Variants in PIBF1 observed in about 807,000 individuals in gnomAD.
The protein encoded by PIBF1 is progesterone-induced-blocking factor 1.
In PIBF1, 90 loss-of-function variants were observed where a neutral mutation model predicts 112.5. That is an observed-to-expected ratio of 0.80 (90% CI 0.67 to 0.95). The LOEUF (loss-of-function observed/expected upper bound fraction) is 0.95, where lower values mean the gene tolerates loss of function less well. Ranked by LOEUF, PIBF1 falls within the 40% of genes least tolerant of loss-of-function variation. PIBF1 has a pLI of 0.00. For missense variants in PIBF1, 915 were observed against 852.3 expected, an observed-to-expected ratio of 1.07 and a Z score of -0.92; for synonymous variants, 301 against 288.6, an observed-to-expected ratio of 1.04 and a Z score of -0.44.
chr13:72,851,984 C>T (rs2138308913), intron 9 of PIBF1, among the ~76,000 whole-genome samples: 1 of 152,260 alleles, frequency 6.6e-6, no homozygotes, highest in South Asian at 2.1e-4. Context: ...TAGGAGCTAC[C>T]CATTCCAGAT....
In PIBF1 at chr13:73,012,782, T is replaced by C. The variant is rs182007819; in HGVS notation, c.2224-3087T>C. On this transcript the variant is annotated intron_variant, in intron 17 of 17. Coordinates refer to ENST00000326291, the MANE Select transcript of PIBF1 (RefSeq NM_006346.4). ...CCAATAATAATAATAATAATAATAA[T>C]AAGGGTATTGTAACAGAAACCTCTA... Among the ~76,000 whole-genome samples the C allele has an allele frequency of 2.0e-5, 3 of 150,476 alleles. No individual in the cohort carries two copies. The East Asian group carries it at 5.9e-4, about 29-fold the overall frequency.
chr13:72,828,752 T>C (rs2036953638), intron 8 of PIBF1, among the ~76,000 whole-genome samples: 1 of 152,202 alleles, frequency 6.6e-6, no homozygotes. Flanking sequence ...TACGTGTGCA[T>C]GTGTCTTTTA....
chr13:72,893,830 C>T lies in PIBF1; in HGVS notation c.1369C>T (p.Leu457Phe). The T allele has an allele frequency of 6.2e-7, 1 of 1,604,058 alleles. No individual in the cohort carries two copies. The highest frequency in any genetic ancestry group is 8.5e-7 in the Non-Finnish European group (1 of 1,174,940). The stretch of plus-strand genomic sequence containing the variant: ...TACAGAAAGCAAAGTAACAGAATTT[C>T]TCCATCAAAGTAAATTAAAATCTTT... ...LSTESKVTEF[L>F]HQSKLKSFES... Residue 457 changes from leucine to phenylalanine, a missense_variant, in exon 11 of 18, where the codon CTC (leucine) becomes TTC (phenylalanine). Transcript: ENST00000326291.
At chr13:72,839,890 C>T (rs775761548) in intron 9 of PIBF1, among the ~76,000 whole-genome samples, 1 of 152,124 alleles carries the variant, frequency 6.6e-6, no homozygotes, top group Non-Finnish European at 1.5e-5. Context: ...CTCCAGTGTT[C>T]TTCTGACCCC....
Position 72,969,176 on chromosome 13 carries a change from G to T in PIBF1, c.1964+3772G>T, listed in dbSNP as rs527681110. Among the ~76,000 whole-genome samples, 3 of 152,212 alleles carry T rather than the reference G, an allele frequency of 2.0e-5. No homozygotes were observed. The South Asian group carries it at 6.2e-4, about 32-fold the overall frequency. On this transcript the variant is annotated intron_variant, in intron 15 of 17. Coordinates refer to ENST00000326291, the MANE Select transcript of PIBF1 (RefSeq NM_006346.4). Reference sequence around the variant, plus strand: ...TTATATTCAACAGTGTTCAATAAATGTTTGCCATTCTTAGTACTTACCATA... The same window carrying T: ...TTATATTCAACAGTGTTCAATAAATTTTTGCCATTCTTAGTACTTACCATA...
In PIBF1 at chr13:72,956,244, T is replaced by C. The variant is rs73524252; in HGVS notation, c.1834-9030T>C. Among the ~76,000 whole-genome samples, 291 of 152,242 alleles carry C rather than the reference T, an allele frequency of 1.9e-3. 3 individuals carry two copies. Among genetic ancestry groups the C allele is most frequent in the African/African-American group, 6.7e-3 (280 of 41,552 alleles). ...TCCCATTATCTCCATTGCAGATCACTTCTAATCCCAAAGCTATCAATTCTA... is the reference window on the plus strand; with the variant it reads ...TCCCATTATCTCCATTGCAGATCACCTCTAATCCCAAAGCTATCAATTCTA... On this transcript the variant is annotated intron_variant, in intron 14 of 17. Transcript: ENST00000326291.
chr13:72,821,758 A>G, intron 5 of PIBF1, 91 bp from the exon 6 acceptor site: 4 of 889,564 alleles, frequency 4.5e-6, no homozygotes, highest in East Asian at 5.9e-5. Flanking sequence ...TACAAGGACA[A>G]TCACAGCTTA....
chr13:72,940,483 A>C (rs11839138), intron 14 of PIBF1, among the ~76,000 whole-genome samples: 33,012 of 151,974 alleles, frequency 0.22, 3,671 homozygotes, highest in Middle Eastern at 0.27. Flanking sequence ...TTGTCATTTC[A>C]TGGCTGCCTT....
In PIBF1 at chr13:72,998,916, CAGAAA is replaced by C. The variant is rs2043769037; in HGVS notation, c.2146_2150del (p.Glu716SerfsTer10). The C allele has an allele frequency of 6.2e-7, 1 of 1,611,628 alleles. No homozygotes were observed. Among genetic ancestry groups the C allele is most frequent in the Non-Finnish European group, 8.5e-7 (1 of 1,178,224 alleles). On this transcript the variant is annotated frameshift_variant, in exon 17 of 18. Coordinates refer to ENST00000326291, the MANE Select transcript of PIBF1 (RefSeq NM_006346.4). LOFTEE classifies it high-confidence loss of function. ...ACTAAAACAGAACCAAAACATGTGA[CAGAAA>C]ATCAGAAATCAAAGACTTTGAATGT...
chr13:72,792,533 A>G lies in PIBF1; in HGVS notation c.339A>G (p.Gln113=), dbSNP rs370637186. ...TLRLDNQLAF[Q]QKDASKYQEL... is the part of the protein sequence containing the mutation. ...GATTAGACAACCAATTGGCTTTTCA[A>G]CAGAAAGATGCCAGGTAAGAAAAGT... The change falls in exon 3 of 18, where the codon CAA becomes CAG. Residue 113 remains glutamine, a synonymous_variant. Transcript: ENST00000326291. The G allele has an allele frequency of 8.5e-6, 13 of 1,533,618 alleles. No individual in the cohort carries two copies. The highest frequency in any genetic ancestry group is 2.8e-5 in the African/African-American group (2 of 70,924).
chr13:72,795,540 A>G lies in PIBF1; in HGVS notation c.535A>G (p.Ile179Val), dbSNP rs1566279169. Residue 179 changes from isoleucine (I) to valine (V), a missense_variant, in exon 4 of 18, where the codon ATT (isoleucine) becomes GTT (valine). Ile to Val is a conservative substitution (Grantham distance 29, BLOSUM62 3). Transcript: ENST00000326291. ...LKAFPEDQLSIPEYVSVRFYE... is the reference protein window; with the variant it reads ...LKAFPEDQLSVPEYVSVRFYE... ...AGCTTTTCCTGAAGATCAGCTTTCT[A>G]TTCCTGAATATGTATCTGTAAGTAT... is the stretch of plus-strand genomic sequence containing the variant. 2 of 1,549,554 alleles carry G rather than the reference A, an allele frequency of 1.3e-6. No individual in the cohort carries two copies. Among genetic ancestry groups the G allele is most frequent in the Non-Finnish European group, 1.8e-6 (2 of 1,131,518 alleles).
At chr13:72,937,072 A>G (rs1379778038) in intron 14 of PIBF1, among the ~76,000 whole-genome samples, 3 of 152,142 alleles carry the variant, frequency 2.0e-5, no homozygotes, top group African/African-American at 4.8e-5. Flanking sequence ...AGCAAAGTGT[A>G]TGTTTTTCCA....
intron 10 of PIBF1, among the ~76,000 whole-genome samples, chr13:72,857,808 C>G (rs905617160): frequency 1.3e-5 from 2 of 152,112 alleles, no homozygotes; most frequent in African/African-American, 2.4e-5. Flanking sequence ...CCATTGCACT[C>G]CAGCCTGGGC....
chr13:72,997,230 A>G (rs938447600), intron 16 of PIBF1, among the ~76,000 whole-genome samples: 3 of 152,198 alleles, frequency 2.0e-5, no homozygotes, highest in South Asian at 2.1e-4. Context: ...TTTTCTTTTC[A>G]TAGGCTTTCC....
chr13:72,893,855 T>C lies in PIBF1; in HGVS notation c.1394T>C (p.Phe465Ser). 5 of 1,606,540 alleles carry C rather than the reference T, an allele frequency of 3.1e-6. No homozygotes were observed. Among genetic ancestry groups the C allele is most frequent in the Non-Finnish European group, 4.3e-6 (5 of 1,175,896 alleles). The change falls in exon 11 of 18, where the codon TTT becomes TCT. Residue 465 changes from phenylalanine to serine, a missense_variant. Coordinates refer to ENST00000326291, the MANE Select transcript of PIBF1 (RefSeq NM_006346.4). ...EFLHQSKLKS[F>S]ESERVQLLQE... ...CTCCATCAAAGTAAATTAAAATCTT[T>C]TGAAAGTGAGCGTGTTCAACTTCTG...
intron 14 of PIBF1, among the ~76,000 whole-genome samples, chr13:72,960,966 A>T (rs1414195880): frequency 6.6e-6 from 1 of 151,926 alleles, no homozygotes; most frequent in Non-Finnish European, 1.5e-5. Context: ...TTATGGCTCC[A>T]CTTTCACTAT....
At chr13:72,937,171 G>A (rs2041892905) in intron 14 of PIBF1, among the ~76,000 whole-genome samples, 1 of 151,704 alleles carries the variant, frequency 6.6e-6, no homozygotes, top group Admixed American at 6.6e-5. Context: ...TTATTGATAT[G>A]GTTATGTTCA....
chr13:72,926,905 A>T (rs1008933949), intron 13 of PIBF1, among the ~76,000 whole-genome samples: 1 of 152,220 alleles, frequency 6.6e-6, no homozygotes, highest in African/African-American at 2.4e-5. Context: ...GATATTATGT[A>T]TTCTCAGTGC....
chr13:72,962,435 A>G (rs2042630695), intron 14 of PIBF1, among the ~76,000 whole-genome samples: 1 of 152,026 alleles, frequency 6.6e-6, no homozygotes, highest in Admixed American at 6.6e-5. Context: ...TGTCTCTATA[A>G]AAAATAAAAT....
Sources: gnomAD v4.1 joint callset for allele counts (sites outside exome capture counted in the v4.1 genomes callset) on GRCh38, gnomAD v4.1.1 for gene constraint, MANE v1.5 for transcripts, NCBI Gene and HGNC (gene_info 2026-07-23, HGNC 2026-07-21) for gene names.